STXBP2: variants seen among roughly 807,000 people sequenced by gnomAD.
STXBP2 encodes syntaxin-binding protein 2.
In STXBP2, 47 loss-of-function variants were observed where a neutral mutation model predicts 72.2. The observed-to-expected ratio is 0.65, with a 90% CI of 0.51 to 0.83. The LOEUF (loss-of-function observed/expected upper bound fraction) is 0.83. Ranked by LOEUF, STXBP2 falls within the 40% of genes least tolerant of loss-of-function variation. The pLI is 0.00. For missense variants in STXBP2, 702 were observed against 807.6 expected (o/e 0.87, Z 1.58); for synonymous variants, 367 against 338.7 (o/e 1.08, Z -0.92).
chr19:7,630,441 A>T, the STXBP2 span: 1 of 693,774 alleles, frequency 1.4e-6, no homozygotes, highest in South Asian at 1.7e-5. Flanking sequence ...CCTTGGTGGG[A>T]GTTCTGGGAT....
chr19:7,639,689 C>A, intron 3 of STXBP2, 42 bp from the exon 4 acceptor site: 2 of 1,602,098 alleles, frequency 1.2e-6, no homozygotes, highest in Non-Finnish European at 1.7e-6. Context: ...GTGGCCCTGC[C>A]TGGATGCCAC....
intron 2 of STXBP2, 45 bp from the exon 3 acceptor site, chr19:7,638,974 C>T (rs1420288810): frequency 1.2e-6 from 2 of 1,611,648 alleles, no homozygotes; most frequent in East Asian, 4.5e-5. Context: ...CAGCTGTGGC[C>T]TCTTCCGCCT....
chr19:7,641,824 G>T lies in STXBP2; in HGVS notation c.549G>T (p.Leu183=). 1.9e-6 allele frequency: 3 copies of T among 1,552,708 alleles called. No individual in the cohort carries two copies. Among genetic ancestry groups the T allele is most frequent in the Non-Finnish European group, 2.6e-6 (3 of 1,148,654 alleles). Residue 183 remains leucine, a synonymous_variant, in exon 7 of 19, where the codon CTG becomes CTT. Transcript: ENST00000221283. ...AGATTGCCACGCTGTGCGCCACCCT[G>T]CAGGAGTACCCGGCCATCCGCTACC... ...AQQIATLCAT[L]QEYPAIRYRK...
At position 7,644,664 on chromosome 19, in the gene STXBP2, G is replaced by A; in HGVS notation, c.1158G>A (p.Met386Ile). 2 of 1,613,722 alleles carry A rather than the reference G, an allele frequency of 1.2e-6. No homozygotes were observed. Among genetic ancestry groups the A allele is most frequent in the Non-Finnish European group, 1.7e-6 (2 of 1,179,852 alleles). The change falls in exon 14 of 19, where the codon ATG (methionine) becomes ATA (isoleucine). Residue 386 changes from methionine to isoleucine, a missense_variant. Physicochemically the swap from Met to Ile is conservative, Grantham distance 10. Transcript: ENST00000221283. Reference protein sequence around the residue: ...DAEGEKIKDSMKLIVPVLLDA... With the variant: ...DAEGEKIKDSIKLIVPVLLDA... ...AGGGGGAGAAGATCAAGGACTCCAT[G>A]AAGCTGATCGTTCCGGTGCTGCTGG...
Position 7,646,356 on chromosome 19 carries a change from C to T in STXBP2, c.1452+12C>T, listed in dbSNP as rs768298110. On this transcript the variant is annotated intron_variant, in intron 16 of 18. Coordinates refer to ENST00000221283, the MANE Select transcript of STXBP2 (RefSeq NM_006949.4). ...AGGATGTAATGGAGGTACTGGGTGGCAGGTCAGGGTGGGGGCCAGCCCTCC... is the reference window on the plus strand; with the variant it reads ...AGGATGTAATGGAGGTACTGGGTGGTAGGTCAGGGTGGGGGCCAGCCCTCC... The T allele has an allele frequency of 5.0e-6, 8 of 1,594,788 alleles. No homozygotes were observed. The highest frequency in any genetic ancestry group is 6.8e-6 in the Non-Finnish European group (8 of 1,171,478).
At chr19:7,629,844 A>AC in the STXBP2 span, 1 of 1,535,924 alleles carries the variant, frequency 6.5e-7, no homozygotes, top group Non-Finnish European at 8.7e-7. Context: ...ATGGGGGTGA[A>AC]GCTGGAGATA....
intron 6 of STXBP2, 55 bp downstream of exon 6, chr19:7,641,058 C>G (rs753035901): frequency 6.3e-7 from 1 of 1,575,490 alleles, no homozygotes; most frequent in Non-Finnish European, 8.7e-7. Context: ...CAAATGTCCC[C>G]TGTTCCCTCA....
At chr19:7,630,839 C>T in the STXBP2 span, 3 of 1,537,118 alleles carry the variant, frequency 2.0e-6, no homozygotes, top group African/African-American at 4.1e-5. Context: ...CTGTGGCCAC[C>T]TGAGAAGGTA....
Position 7,639,991 on chromosome 19 carries a change from C to T in STXBP2, c.246+184C>T, listed in dbSNP as rs986366121. The T allele has an allele frequency of 2.0e-5, 14 of 711,004 alleles. No homozygotes were observed. In the African/African-American group the frequency reaches 2.6e-4, roughly 13 times the overall value. 44.0% of individuals were successfully genotyped at this position (711,004 alleles called of 1,614,324 possible). ...GTGTATGCATGTGTGTGCGTGTTTGCATGTGTGTCTATGTATGTGTCTGTG... is the reference window on the plus strand; with the variant it reads ...GTGTATGCATGTGTGTGCGTGTTTGTATGTGTGTCTATGTATGTGTCTGTG... On this transcript the variant is annotated intron_variant, in intron 4 of 18. Coordinates refer to ENST00000221283, the MANE Select transcript of STXBP2 (RefSeq NM_006949.4).
At chr19:7,635,912 GC>G (rs2146200684), upstream of STXBP2, among the ~76,000 whole-genome samples, 1 of 152,240 alleles carries the variant, frequency 6.6e-6, no homozygotes, top group South Asian at 2.1e-4. Context: ...GGCCCCTGCT[GC>G]CCCCACCCTC....
At chr19:7,629,993 C>T in the STXBP2 span, 1 of 1,162,146 alleles carries the variant, frequency 8.6e-7, no homozygotes, top group South Asian at 1.8e-5. Context: ...TGAGAGGAAC[C>T]TTTCTGGTTG....
chr19:7,642,857 T>C lies in STXBP2; in HGVS notation c.960+34T>C. On this transcript the variant is annotated intron_variant, in intron 11 of 18. Transcript: ENST00000221283. The surrounding 1 kb of genome is among the most constrained non-coding windows in gnomAD (Gnocchi z 6.0). ...GGACCCAGGTCACCAAAGGCGCTGG[T>C]GGAAGGAAGCCCCCCTCCCCATGGG... 1.2e-6 allele frequency: 2 copies of C among 1,613,892 alleles called. No homozygotes were observed. The highest frequency in any genetic ancestry group is 1.7e-6 in the Non-Finnish European group (2 of 1,179,894).
Position 7,637,250 on chromosome 19 carries a change from G to A in STXBP2, c.37+64G>A, listed in dbSNP as rs794076. On this transcript the variant is annotated intron_variant, in intron 1 of 18. Transcript: ENST00000221283. ...TGGGACGGGGGTCGGGGACGCACGG[G>A]CTCTGGGATCCTGGGTTTCATGGCG... 0.23 allele frequency: 282,957 copies of A among 1,231,074 alleles called. 33,172 individuals are homozygous for A. The highest frequency in any genetic ancestry group is 0.24 in the Non-Finnish European group (237,643 of 983,806). The allele number at this position is 1,231,074 out of a possible 1,614,324, so 76.3% of individuals were successfully genotyped here.
chr19:7,642,581 G>C lies in STXBP2; in HGVS notation c.902+45G>C. The C allele has an allele frequency of 6.2e-7, 1 of 1,606,100 alleles. No individual in the cohort carries two copies. The highest frequency in any genetic ancestry group is 1.1e-5 in the South Asian group (1 of 90,908). ...GGATCCCCCCCCCACCGCCCACTGTGGGCCTGGTAGCGGCCTTGGGATCCC... is the reference window on the plus strand; with the variant it reads ...GGATCCCCCCCCCACCGCCCACTGTCGGCCTGGTAGCGGCCTTGGGATCCC... On this transcript the variant is annotated intron_variant, in intron 10 of 18. Transcript: ENST00000221283. The surrounding 1 kb of genome is among the most constrained non-coding windows in gnomAD (Gnocchi z 6.0).
chr19:7,644,968 A>G (rs2032074207), intron 14 of STXBP2: 4 of 1,447,854 alleles, frequency 2.8e-6, no homozygotes, highest in Non-Finnish European at 3.6e-6. Flanking sequence ...AAACCCTCAC[A>G]TCTGTGATTC....
chr19:7,635,179 G>A (rs947212939), upstream of STXBP2, among the ~76,000 whole-genome samples: 5 of 152,174 alleles, frequency 3.3e-5, no homozygotes, highest in African/African-American at 9.7e-5. Context: ...AGCTGGAGGC[G>A]GTCCTGGCTT....
rs756679671 is a variant in STXBP2 at position 7,647,778 on chromosome 19, G to T, written c.1750G>T (p.Asp584Tyr). 2 of 1,614,034 alleles carry T rather than the reference G, an allele frequency of 1.2e-6. No individual in the cohort carries two copies. The highest frequency in any genetic ancestry group is 1.7e-6 in the Non-Finnish European group (2 of 1,179,982). Residue 584 changes from aspartate to tyrosine, a missense_variant, in exon 19 of 19, where the codon GAC (aspartate) becomes TAC (tyrosine). Transcript: ENST00000221283. Reference sequence around the variant, plus strand: ...CTTCCTGGATGACCTGAAGGCACTGGACAAGAAGCTGGAGGACATTGCCCT... The same window carrying T: ...CTTCCTGGATGACCTGAAGGCACTGTACAAGAAGCTGGAGGACATTGCCCT... ...TRFLDDLKAL[D>Y]KKLEDIALP
At chr19:7,633,366 G>A (rs771530779), upstream of STXBP2, 20 of 1,541,980 alleles carry the variant, frequency 1.3e-5, no homozygotes, top group South Asian at 2.3e-4. Context: ...TGGGCTCTGA[G>A]ACCTTGAGCT....
chr19:7,640,344 A>C, intron 4 of STXBP2: 2 of 458,996 alleles, frequency 4.4e-6, no homozygotes, highest in East Asian at 5.3e-5. Flanking sequence ...GCGTGTGTGT[A>C]TGCGTCTGTG....
Sources: allele counts gnomAD v4.1 joint callset (sites outside exome capture counted in the v4.1 genomes callset), GRCh38; gene constraint gnomAD v4.1.1; non-coding constraint Gnocchi (gnomAD v3.1); transcripts MANE v1.5; gene names NCBI Gene and HGNC (gene_info 2026-07-23, HGNC 2026-07-21).